TRIM77: variants seen among roughly 807,000 people sequenced by gnomAD.
TRIM77 encodes the protein tripartite motif-containing protein 77.
Under a neutral mutation model 31.8 loss-of-function variants are expected in TRIM77, and 23 were observed. That is an observed-to-expected ratio of 0.72 (90% CI 0.52 to 1.02). The LOEUF (loss-of-function observed/expected upper bound fraction) is 1.02. TRIM77 is among the 50% of genes least tolerant of loss of function. The pLI is 0.00. For synonymous variants in TRIM77, 159 were observed against 183.1 expected, an observed-to-expected ratio of 0.87 and a Z score of 1.06; for missense variants, 446 against 539.2, an observed-to-expected ratio of 0.83 and a Z score of 1.71.
Position 89,714,327 on chromosome 11 carries a change from AGTC to A in TRIM77, c.644_646del (p.Ser215_Gln216delinsLys), listed in dbSNP as rs1473556059. 1.3e-5 allele frequency: 20 copies of A among 1,551,768 alleles called. No individual in the cohort carries two copies. Among genetic ancestry groups the A allele is most frequent in the Non-Finnish European group, 1.7e-5 (20 of 1,147,002 alleles). The stretch of plus-strand genomic sequence containing the variant: ...GATAATTTTTCAGCAACTCAAGAGA[AGTC>A]AAACTAGAATGGCTAAGATGGGTAT... On this transcript the variant is annotated inframe_deletion, in exon 3 of 6. Coordinates refer to ENST00000398290, the MANE Select transcript of TRIM77 (RefSeq NM_001146162.1).
rs1949169161 is a variant in TRIM77 at position 89,717,433 on chromosome 11, A to T, written c.914A>T (p.Asp305Val). 2 of 1,551,334 alleles carry T rather than the reference A, an allele frequency of 1.3e-6. No individual in the cohort carries two copies. Among genetic ancestry groups the T allele is most frequent in the Non-Finnish European group, 1.7e-6 (2 of 1,146,850 alleles). The change falls in exon 6 of 6, where the codon GAC becomes GTC. Residue 305 changes from aspartate (D) to valine (V), a missense_variant. By Grantham distance (152) the Asp-to-Val change is radical (BLOSUM62 -3). This residue lies in a region of TRIM77 where 366 missense variants were observed against 447.9 expected (regional missense o/e 0.82). Coordinates refer to ENST00000398290, the MANE Select transcript of TRIM77 (RefSeq NM_001146162.1). ...ICSNHKLLFE[D>V]LRHLQCSLDD... ...AGTAATCACAAGCTTCTGTTCGAAG[A>T]CCTAAGGCATTTGCAGTGCAGCCTT... is the stretch of plus-strand genomic sequence containing the variant.
rs550594323 is a variant in TRIM77 at position 89,713,048 on chromosome 11, C to T, written c.508-1144C>T. Among the ~76,000 whole-genome samples the T allele has an allele frequency of 3.5e-4, 53 of 151,936 alleles. 1 individual carries two copies. The highest frequency in any genetic ancestry group is 6.9e-3 in the Middle Eastern group (2 of 290). ...CAGGACTTTGGGAGGCCGAGGTGGG[C>T]GGATCACGAGGTCAAGAGATTGAGA... is the stretch of plus-strand genomic sequence containing the variant. On this transcript the variant is annotated intron_variant, in intron 2 of 5. Coordinates refer to ENST00000398290, the MANE Select transcript of TRIM77 (RefSeq NM_001146162.1).
intron 2 of TRIM77, among the ~76,000 whole-genome samples, chr11:89,713,621 A>G (rs982068797): frequency 6.6e-6 from 1 of 151,952 alleles, no homozygotes; most frequent in African/African-American, 2.4e-5. Flanking sequence ...AGAAAGAGAG[A>G]GTAGGCAAAC....
rs1949147368 is a variant in TRIM77 at position 89,714,415 on chromosome 11, T to C, written c.731T>C (p.Leu244Pro). 1 of 1,549,904 alleles carries C rather than the reference T, an allele frequency of 6.5e-7. No individual in the cohort carries two copies. Among genetic ancestry groups the C allele is most frequent in the East Asian group, 2.4e-5 (1 of 40,906 alleles). ...KEMSCKADVNLPQDLGDVMKR... is the reference protein window; with the variant it reads ...KEMSCKADVNPPQDLGDVMKR... ...ATGAGCTGTAAAGCAGATGTGAACC[T>C]GCCTCAGGTAAAAACTGAAGGAGAT... The change falls in exon 3 of 6, where the codon CTG becomes CCG. Residue 244 changes from leucine (L) to proline (P), a missense_variant. Transcript: ENST00000398290.
At chr11:89,715,219 C>T (rs1388016727) in intron 4 of TRIM77, 39 bp downstream of exon 4, 4 of 1,540,862 alleles carry the variant, frequency 2.6e-6, no homozygotes, top group Non-Finnish European at 3.5e-6. Flanking sequence ...GTAATTGTGA[C>T]AATAATCAGG....
chr11:89,710,380 A>C lies in TRIM77; in HGVS notation c.82A>C (p.Ile28Leu), dbSNP rs1322597245. The change falls in exon 1 of 6, where the codon ATT becomes CTT. Residue 28 changes from isoleucine (I) to leucine (L), a missense_variant. This residue lies in a region of TRIM77 where 72 missense variants were observed against 64.7 expected (regional missense o/e 1.11). Coordinates refer to ENST00000398290, the MANE Select transcript of TRIM77 (RefSeq NM_001146162.1). ...CTDYLTDPVT[I>L]CCGHRFCSPC... ...AGACTATTTGACAGACCCTGTCACC[A>C]TTTGTTGTGGGCACAGATTTTGTAG... is the stretch of plus-strand genomic sequence containing the variant. 6.4e-7 allele frequency: 1 copy of C among 1,552,030 alleles called. No homozygotes were observed. The highest frequency in any genetic ancestry group is 1.2e-5 in the South Asian group (1 of 84,060).
intron 4 of TRIM77, 145 bp downstream of exon 4, chr11:89,715,325 C>G (rs1177983198): frequency 5.3e-5 from 38 of 716,862 alleles, no homozygotes; most frequent in Non-Finnish European, 1.4e-5. Context: ...TATATATTGA[C>G]TACTTCAGAT....
chr11:89,717,826 T>C lies in TRIM77; in HGVS notation c.1307T>C (p.Ile436Thr). 6.5e-7 allele frequency: 1 copy of C among 1,549,508 alleles called. No homozygotes were observed. The highest frequency in any genetic ancestry group is 8.7e-7 in the Non-Finnish European group (1 of 1,145,904). ...CTCATTTGTAGTTTCCTCTCACGCA[T>C]CTTCTATTTTCCTCTCAGACCTTTC... ...SSLICSFLSRIFYFPLRPFIC... is the reference protein window; with the variant it reads ...SSLICSFLSRTFYFPLRPFIC... The change falls in exon 6 of 6, where the codon ATC becomes ACC. Residue 436 changes from isoleucine to threonine, a missense_variant. Around this residue, in one of 3 missense-constraint regions of TRIM77, gnomAD observed 366 missense variants for 447.9 expected, o/e 0.82. Transcript: ENST00000398290.
chr11:89,714,047 G>A (rs1949143438), intron 2 of TRIM77, 145 bp from the exon 3 acceptor site: 1 of 558,022 alleles, frequency 1.8e-6, no homozygotes, highest in African/African-American at 1.9e-5. Context: ...GAGGAAGAAA[G>A]GAAGATTTAT....
chr11:89,716,009 A>G, intron 5 of TRIM77, 22 bp downstream of exon 5: 1 of 1,448,948 alleles, frequency 6.9e-7, no homozygotes, highest in East Asian at 2.5e-5. Flanking sequence ...AACTGCACTA[A>G]TGTTTCCAAC....
intron 4 of TRIM77, 70 bp downstream of exon 4, chr11:89,715,250 C>G: frequency 7.1e-7 from 1 of 1,413,490 alleles, no homozygotes; most frequent in South Asian, 1.2e-5. Context: ...TGGGATCGAC[C>G]CACACTTTTA....
chr11:89,716,618 C>A (rs1949162346), intron 5 of TRIM77, among the ~76,000 whole-genome samples: 1 of 152,062 alleles, frequency 6.6e-6, no homozygotes, highest in Non-Finnish European at 1.5e-5. Context: ...GGTGTCCAAA[C>A]CAGAAATTCT....
rs1470804668 is a variant in TRIM77 at position 89,717,737 on chromosome 11, G to T, written c.1218G>T (p.Trp406Cys). Reference protein sequence around the residue: ...LPHYIPRPQGWLGVFLDYECG... With the variant: ...LPHYIPRPQGCLGVFLDYECG... Reference sequence around the variant, plus strand: ...ACTATATTCCAAGGCCCCAAGGCTGGCTAGGGGTGTTCCTGGATTATGAAT... The same window carrying T: ...ACTATATTCCAAGGCCCCAAGGCTGTCTAGGGGTGTTCCTGGATTATGAAT... Residue 406 changes from tryptophan to cysteine, a missense_variant, in exon 6 of 6, where the codon TGG (tryptophan) becomes TGT (cysteine). By Grantham distance (215) the Trp-to-Cys change is radical. This residue lies in a region of TRIM77 where 366 missense variants were observed against 447.9 expected (regional missense o/e 0.82). Transcript: ENST00000398290. 6.4e-7 allele frequency: 1 copy of T among 1,551,128 alleles called. No individual in the cohort carries two copies. The highest frequency in any genetic ancestry group is 8.7e-7 in the Non-Finnish European group (1 of 1,146,724).
In TRIM77 at chr11:89,715,080, T is replaced by G. The variant is rs1949150802; in HGVS notation, c.739-78T>G. 2.1e-6 allele frequency: 3 copies of G among 1,412,326 alleles called. No homozygotes were observed. The Admixed American group carries it at 6.2e-5, about 29-fold the overall frequency. The allele number at this position is 1,412,326 out of a possible 1,614,324, so 87.5% of individuals were successfully genotyped here. A position where few individuals can be genotyped will look rare whatever the true frequency, so the allele number is the denominator to read the frequency against. ...GTTAAGTTTTCCAATTCAGTCCATA[T>G]CCTCAGACTGCATGTCTAGGATATA... On this transcript the variant is annotated intron_variant, in intron 3 of 5. Transcript: ENST00000398290.
chr11:89,713,859 G>C (rs1207470332), intron 2 of TRIM77, among the ~76,000 whole-genome samples: 1 of 152,102 alleles, frequency 6.6e-6, no homozygotes, highest in African/African-American at 2.4e-5. Flanking sequence ...TTGTGAGTAG[G>C]AGTATTGAGA....
chr11:89,711,618 C>T (rs949450215), intron 2 of TRIM77, 113 bp downstream of exon 2: 11 of 628,246 alleles, frequency 1.8e-5, no homozygotes, highest in Non-Finnish European at 3.1e-5. Context: ...AGAAAAAGGA[C>T]CTACATGTGT....
rs758892451 is a variant in TRIM77, at chr11:89,713,299, GTAAT to G, written c.508-891_508-888del. 9.2e-4 allele frequency among the ~76,000 whole-genome samples: 126 copies of G among 136,868 alleles called. 2 individuals carry two copies. Among genetic ancestry groups the G allele is most frequent in the Middle Eastern group, 7.5e-3 (2 of 266 alleles). The allele number at this position is 136,868 out of a possible 152,430, so 89.8% of individuals were successfully genotyped here. A position where few individuals can be genotyped will look rare whatever the true frequency, so the allele number is the denominator to read the frequency against. Reference sequence around the variant, plus strand: ...TCAAAAAAAAAAAAAAAAAAAAAAAGTAATTGAGTAGCCTGGCATGGCGGCATGT... The same window carrying G: ...TCAAAAAAAAAAAAAAAAAAAAAAAGTGAGTAGCCTGGCATGGCGGCATGT... On this transcript the variant is annotated intron_variant, in intron 2 of 5. Transcript: ENST00000398290.
At position 89,717,605 on chromosome 11, in the gene TRIM77, G is replaced by A; in HGVS notation, c.1086G>A (p.Trp362Ter). The A allele has an allele frequency of 6.4e-7, 1 of 1,551,398 alleles. No homozygotes were observed. ...TTATAGGACTTTGCAGAGAAGCCTG[G>A]ACAAAGAGGAATGACATGCGACTTG... is the stretch of plus-strand genomic sequence containing the variant. Reference protein sequence around the residue: ...NWVIGLCREAWTKRNDMRLDS... With the variant: ...NWVIGLCREA The change falls in exon 6 of 6, where the codon TGG becomes TGA. Residue 362 changes from tryptophan to a stop codon, truncating the protein, a stop_gained. Transcript: ENST00000398290. LOFTEE classifies it low-confidence loss of function (END_TRUNC).
intron 5 of TRIM77, 41 bp from the exon 6 acceptor site, chr11:89,717,338 T>C: frequency 1.3e-6 from 2 of 1,490,322 alleles, no homozygotes; most frequent in Non-Finnish European, 1.8e-6. Context: ...CTCCAAACTT[T>C]TAAACTGTTT....
Sources: gnomAD v4.1 joint callset for allele counts (sites outside exome capture counted in the v4.1 genomes callset) on GRCh38, gnomAD v4.1.1 for gene constraint, gnomAD v4.1.1 regional missense constraint, MANE v1.5 for transcripts, NCBI Gene and HGNC (gene_info 2026-07-23, HGNC 2026-07-21) for gene names.